AMBRA1: variants seen among roughly 807,000 people sequenced by gnomAD.
AMBRA1 encodes the protein autophagy and beclin 1 regulator 1.
AMBRA1 carries 47 observed loss-of-function variants against 125.4 expected under a neutral mutation model. The ratio of observed to expected loss-of-function variants is 0.37; its 90% CI spans 0.30 to 0.48. The LOEUF (loss-of-function observed/expected upper bound fraction) is 0.48. AMBRA1 is among the 20% of genes least tolerant of loss of function. AMBRA1 has a pLI of 0.99. For missense variants in AMBRA1, 1,331 were observed against 1,693.4 expected (o/e 0.79, Z 3.76); for synonymous variants, 626 against 655.5 (o/e 0.95, Z 0.69).
In AMBRA1 at chr11:46,543,041, G is replaced by C. The variant is rs774062809; in HGVS notation, c.976C>G (p.Gln326Glu). 1 of 1,599,180 alleles carries C rather than the reference G, an allele frequency of 6.3e-7. No homozygotes were observed. Among genetic ancestry groups the C allele is most frequent in the African/African-American group, 1.3e-5 (1 of 75,028 alleles). The part of the protein sequence containing the change: ...GTRVPSLLPH[Q>E]DSVPPASARA... The stretch of plus-strand genomic sequence containing the variant: ...GCAGAAGCAGGGGGGACACTGTCCT[G>C]GTGTGGCAAGAGGGAAGGAACTCGA... The change falls in exon 7 of 18, where the codon CAG becomes GAG. Residue 326 changes from glutamine to glutamate, a missense_variant. By Grantham distance (29) the Gln-to-Glu change is conservative. Around this residue, in one of 4 missense-constraint regions of AMBRA1, gnomAD observed 689 missense variants for 776.5 expected, o/e 0.89. Coordinates refer to ENST00000683756, the MANE Select transcript of AMBRA1 (RefSeq NM_001387011.1).
At chr11:46,421,617 T>C (rs905414218) in intron 14 of AMBRA1, among the ~76,000 whole-genome samples, 6 of 152,206 alleles carry the variant, frequency 3.9e-5, no homozygotes, top group Admixed American at 2.6e-4. Context: ...TGGCCCATTT[T>C]GAAAAGCACC....
At chr11:46,414,980 T>A (rs944627815) in intron 15 of AMBRA1, among the ~76,000 whole-genome samples, 1 of 151,536 alleles carries the variant, frequency 6.6e-6, no homozygotes, top group Non-Finnish European at 1.5e-5. Context: ...GGAGGAGAAA[T>A]CAAGAGCAGT....
chr11:46,552,282 T>C (rs2043026743), intron 1 of AMBRA1, among the ~76,000 whole-genome samples: 1 of 132,640 alleles, frequency 7.5e-6, no homozygotes, highest in Non-Finnish European at 1.5e-5. Context: ...GGCACGAGAA[T>C]TGCTTGAACC....
At chr11:46,547,516 G>T in intron 3 of AMBRA1, 1 of 565,630 alleles carries the variant, frequency 1.8e-6, no homozygotes, top group Non-Finnish European at 3.1e-6. Flanking sequence ...GCCACATTCG[G>T]AAAATATTTT....
At chr11:46,427,357 G>C (rs1484729891) in intron 14 of AMBRA1, among the ~76,000 whole-genome samples, 1 of 152,154 alleles carries the variant, frequency 6.6e-6, no homozygotes, top group African/African-American at 2.4e-5. Flanking sequence ...GTCTCTGTAA[G>C]GATGGATACC....
intron 4 of AMBRA1, among the ~76,000 whole-genome samples, chr11:46,546,690 C>CA (rs1177389621): frequency 6.6e-6 from 1 of 151,086 alleles, no homozygotes; most frequent in Non-Finnish European, 1.5e-5. Context: ...GCAATGTCTA[C>CA]AACAATATAT....
At chr11:46,486,638 G>A (rs1183711569) in intron 11 of AMBRA1, among the ~76,000 whole-genome samples, 1 of 152,176 alleles carries the variant, frequency 6.6e-6, no homozygotes, top group Admixed American at 6.5e-5. Context: ...AGGTGCAGTG[G>A]CTCACACCTG....
intron 1 of AMBRA1, among the ~76,000 whole-genome samples, chr11:46,568,499 G>A (rs1444387380): frequency 6.6e-6 from 1 of 151,642 alleles, no homozygotes; most frequent in Non-Finnish European, 1.5e-5. Context: ...GTGGCCAGGT[G>A]CAACAGCTCA....
chr11:46,426,802 T>A (rs1947157913), intron 14 of AMBRA1, among the ~76,000 whole-genome samples: 1 of 152,208 alleles, frequency 6.6e-6, no homozygotes, highest in East Asian at 1.9e-4. Flanking sequence ...TTAAGAAAAT[T>A]AATGAGGACA....
At chr11:46,586,009 G>A (rs1480254395) in intron 1 of AMBRA1, among the ~76,000 whole-genome samples, 1 of 151,622 alleles carries the variant, frequency 6.6e-6, no homozygotes, top group African/African-American at 2.4e-5. Context: ...TCTCCACGTT[G>A]GTCAGGCTGG....
At chr11:46,498,666 C>T (rs989989020) in intron 9 of AMBRA1, among the ~76,000 whole-genome samples, 16 of 152,120 alleles carry the variant, frequency 1.1e-4, no homozygotes, top group Non-Finnish European at 1.9e-4. Context: ...ATGAAAAATG[C>T]ACCTACAGAC....
chr11:46,503,130 G>C (rs2135016037), intron 9 of AMBRA1, among the ~76,000 whole-genome samples: 1 of 147,732 alleles, frequency 6.8e-6, no homozygotes, highest in East Asian at 2.0e-4. Context: ...GTTTATAGCA[G>C]AAGAGGACTA....
chr11:46,537,524 G>A (rs536265382), intron 7 of AMBRA1, among the ~76,000 whole-genome samples: 1 of 152,208 alleles, frequency 6.6e-6, no homozygotes, highest in African/African-American at 2.4e-5. Context: ...CTACCGCAAG[G>A]AGCCACAATA....
chr11:46,548,026 T>C, intron 2 of AMBRA1, 151 bp from the exon 3 acceptor site: 1 of 1,202,032 alleles, frequency 8.3e-7, no homozygotes. Flanking sequence ...TTGAGAGAGA[T>C]AAACCTAAAT....
At chr11:46,589,521 C>T (rs1487721223) in intron 1 of AMBRA1, among the ~76,000 whole-genome samples, 1 of 152,174 alleles carries the variant, frequency 6.6e-6, no homozygotes, top group East Asian at 1.9e-4. Flanking sequence ...TCTACCAAGG[C>T]TGAGGCATAT....
intron 9 of AMBRA1, among the ~76,000 whole-genome samples, chr11:46,503,181 A>T (rs111807821): frequency 0.062 from 9,365 of 152,100 alleles, 428 homozygotes; most frequent in Non-Finnish European, 0.093. Flanking sequence ...CTTGCTCACT[A>T]ATCATTTGTA....
intron 1 of AMBRA1, among the ~76,000 whole-genome samples, chr11:46,557,570 T>C (rs958276946): frequency 4.6e-5 from 7 of 150,804 alleles, no homozygotes; most frequent in African/African-American, 1.7e-4. Context: ...CCCTGGGAGG[T>C]TGAGGTGGGA....
rs73466080 is a variant in AMBRA1, at chr11:46,447,932, T to C, written c.2522-4334A>G. On this transcript the variant is annotated intron_variant, in intron 11 of 17. Transcript: ENST00000683756. ...TACATAAATAAATAGTGATGGCAAATACTAAGTGTCTAATAAATGGCCTTT... is the reference window on the plus strand; with the variant it reads ...TACATAAATAAATAGTGATGGCAAACACTAAGTGTCTAATAAATGGCCTTT... 2.0e-3 allele frequency among the ~76,000 whole-genome samples: 299 copies of C among 152,270 alleles called. 2 individuals carry two copies. The highest frequency in any genetic ancestry group is 6.9e-3 in the African/African-American group (288 of 41,548).
chr11:46,547,763 T>C, intron 3 of AMBRA1, 54 bp downstream of exon 3: 4 of 1,545,622 alleles, frequency 2.6e-6, no homozygotes, highest in Non-Finnish European at 3.5e-6. Context: ...CCAGGCCAAA[T>C]ATACAGAAAG....
Sources: gnomAD v4.1 joint callset for allele counts (sites outside exome capture counted in the v4.1 genomes callset) on GRCh38, gnomAD v4.1.1 for gene constraint, gnomAD v4.1.1 regional missense constraint, MANE v1.5 for transcripts, NCBI Gene and HGNC (gene_info 2026-07-23, HGNC 2026-07-21) for gene names.